The following HSD17B4 variants were observed in gnomAD, a reference collection of about 807,000 sequenced individuals.
HSD17B4 encodes peroxisomal multifunctional enzyme type 2.
In HSD17B4, 70 loss-of-function variants were observed where a neutral mutation model predicts 101.0. The ratio of observed to expected loss-of-function variants is 0.69; its 90% CI spans 0.57 to 0.85. HSD17B4 has a LOEUF of 0.85. Ranked by LOEUF, HSD17B4 falls within the 40% of genes least tolerant of loss-of-function variation. The pLI is 0.00. For missense variants in HSD17B4, 984 were observed against 892.4 expected (o/e 1.10, Z -1.31); for synonymous variants, 347 against 297.1 (o/e 1.17, Z -1.73).
Position 119,541,968 on chromosome 5 carries a change from A to G in HSD17B4, c.2185A>G (p.Ile729Val), listed in dbSNP as rs765476692. The stretch of plus-strand genomic sequence containing the variant: ...CATGCTGAGCCAGAAACTTCAGATG[A>G]TTCTTAAAGACTACGCCAAGCTCTG... ...NIMLSQKLQM[I>V]LKDYAKL The change falls in exon 24 of 24, where the codon ATT (isoleucine) becomes GTT (valine). Residue 729 changes from isoleucine (I) to valine (V), a missense_variant. By Grantham distance (29) the Ile-to-Val change is conservative (BLOSUM62 3). Coordinates refer to ENST00000510025, the MANE Select transcript of HSD17B4 (RefSeq NM_000414.4). The G allele has an allele frequency of 5.6e-6, 9 of 1,612,568 alleles. No homozygotes were observed. The highest frequency in any genetic ancestry group is 1.3e-5 in the African/African-American group (1 of 74,838).
intron 13 of HSD17B4, among the ~76,000 whole-genome samples, chr5:119,501,623 G>A (rs913462138): frequency 3.3e-5 from 5 of 152,010 alleles, no homozygotes; most frequent in South Asian, 2.1e-4. Context: ...TAGTTGTGTC[G>A]TTTGTATTTG....
intron 8 of HSD17B4, among the ~76,000 whole-genome samples, chr5:119,480,462 G>C (rs1259409018): frequency 1.3e-5 from 2 of 152,106 alleles, no homozygotes; most frequent in African/African-American, 4.8e-5. Context: ...AAACCAGCAA[G>C]TTTTTATTAG....
At chr5:119,494,293 CA>C (rs1750392695) in intron 11 of HSD17B4, among the ~76,000 whole-genome samples, 1 of 151,658 alleles carries the variant, frequency 6.6e-6, no homozygotes, top group Admixed American at 6.6e-5. Context: ...CCAATCTTAC[CA>C]TATTTTTCTC....
chr5:119,484,741 A>C (rs1038941372), intron 8 of HSD17B4, among the ~76,000 whole-genome samples: 6 of 152,192 alleles, frequency 3.9e-5, no homozygotes, highest in African/African-American at 1.4e-4. Context: ...TGGGATTTGT[A>C]ATACTACAGC....
chr5:119,540,194 C>T (rs747961371), intron 23 of HSD17B4, among the ~76,000 whole-genome samples: 3 of 152,126 alleles, frequency 2.0e-5, no homozygotes, highest in African/African-American at 7.2e-5. Flanking sequence ...ACTCCTAGGC[C>T]AAACCATATA....
At chr5:119,528,531 G>A (rs982234283) in intron 20 of HSD17B4, among the ~76,000 whole-genome samples, 1 of 152,082 alleles carries the variant, frequency 6.6e-6, no homozygotes, top group South Asian at 2.1e-4. Flanking sequence ...GGTGTTCTCT[G>A]AAAGCCTTTG....
At chr5:119,475,341 A>C (rs531516921) in intron 4 of HSD17B4, among the ~76,000 whole-genome samples, 1 of 152,182 alleles carries the variant, frequency 6.6e-6, no homozygotes, top group East Asian at 1.9e-4. Flanking sequence ...GAAAAATGTA[A>C]CTTTAACTTG....
At chr5:119,468,362 T>C (rs1482374632) in intron 2 of HSD17B4, among the ~76,000 whole-genome samples, 1 of 152,076 alleles carries the variant, frequency 6.6e-6, no homozygotes, top group Non-Finnish European at 1.5e-5. Context: ...CCTTTATTTC[T>C]GAAGGATAGC....
intron 2 of HSD17B4, among the ~76,000 whole-genome samples, chr5:119,466,013 G>A (rs532163594): frequency 2.0e-5 from 3 of 152,166 alleles, no homozygotes; most frequent in Non-Finnish European, 4.4e-5. Context: ...TACCTAATTT[G>A]TTGAGAGTTT....
At position 119,526,038 on chromosome 5, in the gene HSD17B4, C is replaced by T. The variant is rs1213731891; in HGVS notation, c.1680+15C>T. ...AGGCAATTAAGGTAAATGTGTATTA[C>T]TACGTAATTTGAATATTACTTCCTT... On this transcript the variant is annotated intron_variant, in intron 19 of 23. Transcript: ENST00000510025. 1.5e-6 allele frequency: 2 copies of T among 1,340,196 alleles called. No individual in the cohort carries two copies. Among genetic ancestry groups the T allele is most frequent in the Non-Finnish European group, 2.2e-6 (2 of 929,886 alleles). The allele number at this position is 1,340,196 out of a possible 1,614,324, so 83.0% of individuals were successfully genotyped here.
chr5:119,500,282 T>C (rs1751037215), intron 13 of HSD17B4, among the ~76,000 whole-genome samples: 1 of 152,156 alleles, frequency 6.6e-6, no homozygotes. Flanking sequence ...ATGTTTGTTC[T>C]GGATAATTGG....
Position 119,452,504 on chromosome 5 carries a change from G to T in HSD17B4, c.-72G>T. On this transcript the variant is annotated 5_prime_UTR_variant, in exon 1 of 24. Transcript: ENST00000510025. ...CCTCGTCCCGCCCCCGCCATTCCCCGCCTCCTCCTGTCCCGCAGTCGGCGT... is the reference window on the plus strand; with the variant it reads ...CCTCGTCCCGCCCCCGCCATTCCCCTCCTCCTCCTGTCCCGCAGTCGGCGT... 1 of 1,611,718 alleles carries T rather than the reference G, an allele frequency of 6.2e-7. No homozygotes were observed. The highest frequency in any genetic ancestry group is 8.5e-7 in the Non-Finnish European group (1 of 1,179,194).
At chr5:119,478,808 T>C (rs374797053) in intron 7 of HSD17B4, 26 bp from the exon 8 acceptor site, 2 of 1,581,494 alleles carry the variant, frequency 1.3e-6, no homozygotes, top group East Asian at 2.2e-5. Context: ...GAAAAGATGA[T>C]ATTGAGAGAT....
At chr5:119,476,596 A>G (rs1275058995) in intron 6 of HSD17B4, 8 of 985,160 alleles carry the variant, frequency 8.1e-6, no homozygotes, top group Non-Finnish European at 9.6e-6. Context: ...TTTAGAATTA[A>G]GCTAAGAAGA....
At chr5:119,477,252 A>G (rs976272569) in intron 6 of HSD17B4, among the ~76,000 whole-genome samples, 165 bp from the exon 7 acceptor site, 4 of 152,212 alleles carry the variant, frequency 2.6e-5, no homozygotes, top group Non-Finnish European at 5.9e-5. Context: ...GATTAGTAGC[A>G]TAACTGGAAT....
intron 14 of HSD17B4, among the ~76,000 whole-genome samples, chr5:119,504,011 T>G (rs997753552): frequency 6.6e-6 from 1 of 152,154 alleles, no homozygotes; most frequent in African/African-American, 2.4e-5. Flanking sequence ...AGCTCCCACT[T>G]GTAAGTGAAA....
chr5:119,453,066 T>C (rs1378790686), intron 1 of HSD17B4, among the ~76,000 whole-genome samples: 1 of 152,258 alleles, frequency 6.6e-6, no homozygotes, highest in Non-Finnish European at 1.5e-5. Context: ...AGATGTCAGC[T>C]CCTGAAAAGT....
At chr5:119,512,806 G>T (rs1752294827) in intron 16 of HSD17B4, among the ~76,000 whole-genome samples, 1 of 152,184 alleles carries the variant, frequency 6.6e-6, no homozygotes, top group African/African-American at 2.4e-5. Context: ...TAGGTTAGAT[G>T]TTGCCAAGGG....
intron 16 of HSD17B4, 24 bp downstream of exon 16, chr5:119,509,268 AATATATGTGT>A: frequency 7.8e-7 from 1 of 1,281,208 alleles, no homozygotes; most frequent in Non-Finnish European, 1.1e-6. Flanking sequence ...TTGTAAGCAA[AATATATGTGT>A]AGTTAAGGAT....
Sources: allele counts gnomAD v4.1 joint callset (sites outside exome capture counted in the v4.1 genomes callset), GRCh38; gene constraint gnomAD v4.1.1; transcripts MANE v1.5; gene names NCBI Gene and HGNC (gene_info 2026-07-23, HGNC 2026-07-21).